Variants in ATP6V0D2 observed in about 807,000 individuals in gnomAD.
ATP6V0D2 encodes V-type proton ATPase subunit d 2.
A neutral mutation model predicts 40.0 loss-of-function variants in ATP6V0D2; 40 were observed. That is an observed-to-expected ratio of 1.00 (90% CI 0.78 to 1.30). The LOEUF is 1.30. Ranked by LOEUF, ATP6V0D2 falls within the 50% of genes most tolerant of loss-of-function variation. The probability of loss-of-function intolerance (pLI) is 0.00; values close to 1 mark genes in which losing one functional copy is unlikely to be tolerated. For missense variants in ATP6V0D2, 470 were observed against 423.1 expected (o/e 1.11, Z -0.97); for synonymous variants, 179 against 156.3 (o/e 1.15, Z -1.08).
At chr8:86,119,206 G>T (rs1818635458) in intron 2 of ATP6V0D2, among the ~76,000 whole-genome samples, 1 of 146,620 alleles carries the variant, frequency 6.8e-6, no homozygotes, top group African/African-American at 2.5e-5. Context: ...TGATCCCACA[G>T]ATTTCTTGTT....
In ATP6V0D2 at chr8:86,123,225, T is replaced by C. The variant is rs560566512; in HGVS notation, c.302+9345T>C. On this transcript the variant is annotated intron_variant, in intron 2 of 7. Transcript: ENST00000285393. ...GTAGTACTTATTCAATAACTGGTGA[T>C]TGCTATTATTATGCTGCTTTCCTGG... is the stretch of plus-strand genomic sequence containing the variant. Among the ~76,000 whole-genome samples the C allele has an allele frequency of 1.6e-4, 25 of 152,344 alleles. No homozygotes were observed. The South Asian group carries it at 3.9e-3, about 24-fold the overall frequency.
chr8:86,134,377 G>T (rs372657377), intron 2 of ATP6V0D2, among the ~76,000 whole-genome samples: 29 of 152,198 alleles, frequency 1.9e-4, no homozygotes, highest in African/African-American at 6.7e-4. Flanking sequence ...TGGGAAAAAA[G>T]AAAGGACAAC....
chr8:86,127,786 C>T (rs1041040679), intron 2 of ATP6V0D2, among the ~76,000 whole-genome samples: 1 of 152,216 alleles, frequency 6.6e-6, no homozygotes, highest in Non-Finnish European at 1.5e-5. Context: ...ACCTAGCCAA[C>T]ATCTCACATA....
chr8:86,135,189 A>G (rs966695985), intron 2 of ATP6V0D2, among the ~76,000 whole-genome samples: 2 of 152,228 alleles, frequency 1.3e-5, no homozygotes. Context: ...ATGACACTGA[A>G]GTACTAAAAT....
intron 6 of ATP6V0D2, among the ~76,000 whole-genome samples, chr8:86,150,802 T>A (rs1385716162): frequency 2.0e-5 from 3 of 152,134 alleles, no homozygotes; most frequent in African/African-American, 7.2e-5. Context: ...CACTCCAGCA[T>A]CCATTTGCTC....
In ATP6V0D2 at chr8:86,153,207, G is replaced by A. The variant is rs1298780559; in HGVS notation, c.*230G>A. The A allele has an allele frequency of 6.2e-6, 2 of 322,874 alleles. No individual in the cohort carries two copies. The highest frequency in any genetic ancestry group is 1.1e-5 in the Non-Finnish European group (2 of 180,168). The allele number at this position is 322,874 out of a possible 1,614,324, so 20.0% of individuals were successfully genotyped here. ...ACATGTCTGTCTCATTCTTCACTGG[G>A]CCTTACAGGTTAGTTTTAATTAACT... is the stretch of plus-strand genomic sequence containing the variant. On this transcript the variant is annotated 3_prime_UTR_variant, in exon 8 of 8. Transcript: ENST00000285393.
At position 86,141,493 on chromosome 8, in the gene ATP6V0D2, A is replaced by T. The variant is rs1360859978; in HGVS notation, c.525A>T (p.Glu175Asp). ...GCATGTCTGAAAATGCTCTAGATGA[A>T]CTGAATATTGAATTGCTACGCAATA... is the stretch of plus-strand genomic sequence containing the variant. The part of the protein sequence containing the change: ...QDCMSENALD[E>D]LNIELLRNKL... Residue 175 changes from glutamate (E) to aspartate (D), a missense_variant, in exon 4 of 8, where the codon GAA (glutamate) becomes GAT (aspartate). Coordinates refer to ENST00000285393, the MANE Select transcript of ATP6V0D2 (RefSeq NM_152565.1). 6.2e-7 allele frequency: 1 copy of T among 1,609,954 alleles called. No homozygotes were observed. The highest frequency in any genetic ancestry group is 1.3e-5 in the African/African-American group (1 of 74,884).
intron 1 of ATP6V0D2, among the ~76,000 whole-genome samples, chr8:86,100,410 A>C (rs2130219739): frequency 6.6e-6 from 1 of 152,308 alleles, no homozygotes; most frequent in South Asian, 2.1e-4. Flanking sequence ...GAAGGGTATT[A>C]AAAGGCAAAA....
rs117039949 is a variant in ATP6V0D2 at position 86,119,208 on chromosome 8, T to C, written c.302+5328T>C. Among the ~76,000 whole-genome samples, 9 of 151,882 alleles carry C rather than the reference T, an allele frequency of 5.9e-5. No homozygotes were observed. In the East Asian group the frequency reaches 1.7e-3, roughly 29 times the overall value. The stretch of plus-strand genomic sequence containing the variant: ...TTCCGCTCACTGATGATCCCACAGA[T>C]TTCTTGTTTCCTAATCATAGGATCT... On this transcript the variant is annotated intron_variant, in intron 2 of 7. Transcript: ENST00000285393.
intron 7 of ATP6V0D2, among the ~76,000 whole-genome samples, chr8:86,151,957 G>C (rs1298792758): frequency 2.0e-5 from 3 of 151,874 alleles, no homozygotes; most frequent in South Asian, 4.2e-4. Flanking sequence ...TAAGTTCTGA[G>C]ATACATGTGC....
intron 1 of ATP6V0D2, among the ~76,000 whole-genome samples, chr8:86,106,686 C>T (rs2130230229): frequency 6.6e-6 from 1 of 152,186 alleles, no homozygotes; most frequent in East Asian, 1.9e-4. Flanking sequence ...CTTCAGAGAG[C>T]ACCAGTTTTG....
intron 2 of ATP6V0D2, among the ~76,000 whole-genome samples, chr8:86,126,708 A>C (rs6994457): frequency 6.6e-6 from 1 of 152,042 alleles, no homozygotes; most frequent in Non-Finnish European, 1.5e-5. Flanking sequence ...GCTGGAGACA[A>C]TTGAAAAGCT....
chr8:86,136,592 G>C lies in ATP6V0D2; in HGVS notation c.303-2865G>C, dbSNP rs1818900515. Among the ~76,000 whole-genome samples the C allele has an allele frequency of 2.0e-5, 3 of 152,244 alleles. No individual in the cohort carries two copies. The South Asian group carries it at 6.2e-4, about 32-fold the overall frequency. On this transcript the variant is annotated intron_variant, in intron 2 of 7. Transcript: ENST00000285393. ...TTCCATAATGTCTAAATTTGGTACT[G>C]CTGTTCAGGAGGTGAAGAAACTTTA...
At chr8:86,118,016 TTC>T (rs1366553941) in intron 2 of ATP6V0D2, among the ~76,000 whole-genome samples, 24 of 150,222 alleles carry the variant, frequency 1.6e-4, no homozygotes, top group African/African-American at 6.0e-4. Flanking sequence ...CTTTCTTTCT[TTC>T]TTTCTTTCTT....
At chr8:86,149,769 A>T (rs1162958275) in intron 5 of ATP6V0D2, among the ~76,000 whole-genome samples, 4 of 152,184 alleles carry the variant, frequency 2.6e-5, no homozygotes. Flanking sequence ...ACCCTAAGAA[A>T]TAGGTATTCT....
chr8:86,127,923 T>C (rs1293033046), intron 2 of ATP6V0D2, among the ~76,000 whole-genome samples: 1 of 152,146 alleles, frequency 6.6e-6, no homozygotes, highest in Non-Finnish European at 1.5e-5. Context: ...GATAAAAGGA[T>C]GTGGCTTTCT....
chr8:86,108,809 A>G (rs1406580569), intron 1 of ATP6V0D2, among the ~76,000 whole-genome samples: 1 of 152,194 alleles, frequency 6.6e-6, no homozygotes, highest in Non-Finnish European at 1.5e-5. Context: ...CCCTATAGCC[A>G]AGTGATCTCA....
intron 2 of ATP6V0D2, among the ~76,000 whole-genome samples, chr8:86,115,310 G>A (rs886836447): frequency 6.8e-6 from 1 of 146,906 alleles, no homozygotes; most frequent in South Asian, 2.2e-4. Context: ...CCAGGAAGAT[G>A]ATACTCCCTC....
Position 86,152,855 on chromosome 8 carries a change from T to C in ATP6V0D2, c.931T>C (p.Tyr311His). ...NVLAFNRQFH[Y>H]GVFYAYVKLK... ...GCTGGCATTCAACAGACAGTTCCACTACGGTGTGTTTTATGCATATGTAAA... is the reference window on the plus strand; with the variant it reads ...GCTGGCATTCAACAGACAGTTCCACCACGGTGTGTTTTATGCATATGTAAA... Residue 311 changes from tyrosine to histidine, a missense_variant, in exon 8 of 8, where the codon TAC becomes CAC. Transcript: ENST00000285393. 1 of 1,610,500 alleles carries C rather than the reference T, an allele frequency of 6.2e-7. No individual in the cohort carries two copies.
Sources: allele counts gnomAD v4.1 joint callset (sites outside exome capture counted in the v4.1 genomes callset), GRCh38; gene constraint gnomAD v4.1.1; transcripts MANE v1.5; gene names NCBI Gene and HGNC (gene_info 2026-07-23, HGNC 2026-07-21).